Variants in PLXDC1 observed in about 807,000 individuals in gnomAD.
PLXDC1 encodes the protein plexin domain-containing protein 1.
A neutral mutation model predicts 61.3 loss-of-function variants in PLXDC1; 39 were observed. That is an observed-to-expected ratio of 0.64 (90% CI 0.49 to 0.83). PLXDC1 has a LOEUF of 0.83. Ranked by LOEUF, PLXDC1 falls within the 40% of genes least tolerant of loss-of-function variation. The pLI, the probability that PLXDC1 is intolerant of heterozygous loss-of-function variation, is 0.00. For synonymous variants in PLXDC1, 212 were observed against 254.5 expected (o/e 0.83, Z 1.59); for missense variants, 596 against 666.5 (o/e 0.89, Z 1.17).
intron 2 of PLXDC1, among the ~76,000 whole-genome samples, chr17:39,112,418 C>CA (rs1910837169): frequency 2.0e-5 from 3 of 151,524 alleles, no homozygotes; most frequent in South Asian, 2.1e-4. Flanking sequence ...GAAAGGAAAC[C>CA]AAGTTTAGAT....
Position 39,139,743 on chromosome 17 carries a change from A to C in PLXDC1, c.166T>G (p.Ser56Ala), listed in dbSNP as rs777635218. 5.6e-6 allele frequency: 9 copies of C among 1,613,826 alleles called. No individual in the cohort carries two copies. The South Asian group carries it at 9.9e-5, about 18-fold the overall frequency. Residue 56 changes from serine to alanine, a missense_variant, in exon 2 of 14, where the codon TCA becomes GCA. Transcript: ENST00000315392. ...CTCAGCTGGGTCCTGTCCGGCTCTG[A>C]CACATGCCCAGGGCTCTCTCGGGCT... ...RRARESPGHV[S>A]EPDRTQLSQD...
At position 39,098,671 on chromosome 17, in the gene PLXDC1, G is replaced by A. The variant is rs550004649; in HGVS notation, c.811+7183C>T. On this transcript the variant is annotated intron_variant, in intron 7 of 13. Coordinates refer to ENST00000315392, the MANE Select transcript of PLXDC1 (RefSeq NM_020405.5). ...GCCGGGGGGAAGAAGAGGAAGCCGT[G>A]AATTCCACTGCATGGCGGAGTGGTT... is the stretch of plus-strand genomic sequence containing the variant. Among the ~76,000 whole-genome samples, 43 of 152,328 alleles carry A rather than the reference G, an allele frequency of 2.8e-4. 1 individual carries two copies. The highest frequency in any genetic ancestry group is 9.9e-4 in the African/African-American group (41 of 41,580).
chr17:39,149,343 A>G (rs1263366469), intron 1 of PLXDC1, among the ~76,000 whole-genome samples: 1 of 152,068 alleles, frequency 6.6e-6, no homozygotes, highest in African/African-American at 2.4e-5. Flanking sequence ...GCCATCAATC[A>G]GGTCAGGCTG....
At chr17:39,071,400 CA>C (rs1206685092) in intron 12 of PLXDC1, among the ~76,000 whole-genome samples, 1 of 152,112 alleles carries the variant, frequency 6.6e-6, no homozygotes, top group African/African-American at 2.4e-5. Flanking sequence ...CTAGGGGTGG[CA>C]AGTTTTAATG....
chr17:39,086,877 A>AAAAAAAAAAAAAAAAAAAAAAAAAC (rs1909760509), intron 8 of PLXDC1, among the ~76,000 whole-genome samples: 1 of 151,208 alleles, frequency 6.6e-6, no homozygotes, highest in Non-Finnish European at 1.5e-5. Flanking sequence ...AAAAAAAAAA[A>AAAAAAAAAAAAAAAAAAAAAAAAAC]AAAGAAGAAG....
At position 39,063,657 on chromosome 17, in the gene PLXDC1, G is replaced by T; in HGVS notation, c.*4183C>A. On this transcript the variant is annotated 3_prime_UTR_variant, in exon 14 of 14. Coordinates refer to ENST00000315392, the MANE Select transcript of PLXDC1 (RefSeq NM_020405.5). Reference sequence around the variant, plus strand: ...TTTATTATTAACACTGAGAATCCATGCAGAGAGTTTACACTAAACACATGA... The same window carrying T: ...TTTATTATTAACACTGAGAATCCATTCAGAGAGTTTACACTAAACACATGA... 1 of 606,278 alleles carries T rather than the reference G, an allele frequency of 1.6e-6. No homozygotes were observed. The highest frequency in any genetic ancestry group is 2.9e-6 in the Non-Finnish European group (1 of 341,010). The allele number at this position is 606,278 out of a possible 1,614,324, so 37.6% of individuals were successfully genotyped here.
chr17:39,140,866 A>G (rs1216251374), intron 1 of PLXDC1, among the ~76,000 whole-genome samples: 1 of 152,230 alleles, frequency 6.6e-6, no homozygotes, highest in Admixed American at 6.5e-5. Flanking sequence ...CAAAATACAC[A>G]TAACAAAATT....
intron 7 of PLXDC1, among the ~76,000 whole-genome samples, chr17:39,098,491 C>T (rs1439810822): frequency 6.6e-6 from 1 of 152,186 alleles, no homozygotes; most frequent in Non-Finnish European, 1.5e-5. Context: ...AATGTTAGTG[C>T]CTGCCCACTG....
chr17:39,103,074 G>T (rs993496564), intron 7 of PLXDC1, among the ~76,000 whole-genome samples: 1 of 152,112 alleles, frequency 6.6e-6, no homozygotes, highest in African/African-American at 2.4e-5. Context: ...AATTAGCCAG[G>T]CGTGGTGGCA....
intron 7 of PLXDC1, among the ~76,000 whole-genome samples, chr17:39,095,380 A>G (rs1351366944): frequency 3.9e-4 from 1 of 2,544 alleles, no homozygotes; most frequent in Admixed American, 5.3e-3. Context: ...CCCCCCCCCC[A>G]ACCCCCCAAG....
intron 8 of PLXDC1, among the ~76,000 whole-genome samples, chr17:39,086,205 C>T (rs962757389): frequency 8.5e-5 from 13 of 152,168 alleles, no homozygotes; most frequent in African/African-American, 2.9e-4. Context: ...CACCAGTCCT[C>T]GAGGAACCCT....
chr17:39,127,851 G>A (rs1357675054), intron 2 of PLXDC1, among the ~76,000 whole-genome samples: 1 of 148,728 alleles, frequency 6.7e-6, no homozygotes, highest in Non-Finnish European at 1.5e-5. Flanking sequence ...CCAGCTACTC[G>A]GGAGGCTGAG....
At chr17:39,104,063 G>A (rs1044430900) in intron 7 of PLXDC1, among the ~76,000 whole-genome samples, 11 of 152,094 alleles carry the variant, frequency 7.2e-5, no homozygotes, top group African/African-American at 2.4e-4. Context: ...TGCACTGTTC[G>A]CTACAGAACA....
chr17:39,137,263 C>T (rs1251541255), intron 2 of PLXDC1, among the ~76,000 whole-genome samples: 1 of 152,148 alleles, frequency 6.6e-6, no homozygotes, highest in Admixed American at 6.6e-5. Context: ...TGAAAGAAAA[C>T]TATTTTCAAG....
Position 39,151,332 on chromosome 17 carries a change from C to A in PLXDC1, c.76+30G>T. Reference sequence around the variant, plus strand: ...ACTGCCCGTCCCTCCCCGCCCCCGGCCCACCCGGGCCGGCTCCCGCCAGTC... The same window carrying A: ...ACTGCCCGTCCCTCCCCGCCCCCGGACCACCCGGGCCGGCTCCCGCCAGTC... On this transcript the variant is annotated intron_variant, in intron 1 of 13. Transcript: ENST00000315392. This position sits in a 1 kb window ranked among gnomAD's most constrained non-coding sequence, Gnocchi z 5.2. 7.9e-7 allele frequency: 1 copy of A among 1,269,268 alleles called. No homozygotes were observed. The highest frequency in any genetic ancestry group is 2.7e-5 in the South Asian group (1 of 37,328). 78.6% of individuals were successfully genotyped at this position (1,269,268 alleles called of 1,614,324 possible). A position where few individuals can be genotyped will look rare whatever the true frequency, so the allele number is the denominator to read the frequency against.
rs921971639 is a variant in PLXDC1, at chr17:39,142,927, C to G, written c.77-3095G>C. On this transcript the variant is annotated intron_variant, in intron 1 of 13. Transcript: ENST00000315392. ...CTGAGGTGGGTGGATCACCTGAGGT[C>G]AGGAATTCGAGACCAGCCTGGCCAA... Among the ~76,000 whole-genome samples, 8 of 152,010 alleles carry G rather than the reference C, an allele frequency of 5.3e-5. 1 individual carries two copies. Among genetic ancestry groups the G allele is most frequent in the Admixed American group, 5.2e-4 (8 of 15,264 alleles).
chr17:39,148,188 G>A (rs568378354), intron 1 of PLXDC1, among the ~76,000 whole-genome samples: 1 of 152,166 alleles, frequency 6.6e-6, no homozygotes, highest in South Asian at 2.1e-4. Flanking sequence ...GAGCCCTAGA[G>A]ACAATCTGGT....
intron 1 of PLXDC1, among the ~76,000 whole-genome samples, chr17:39,145,111 A>C (rs1912054188): frequency 6.6e-6 from 1 of 152,194 alleles, no homozygotes; most frequent in Admixed American, 6.5e-5. Context: ...CAGAAAGTGC[A>C]GTAAAAAGTG....
At chr17:39,142,735 T>C (rs1196998605) in intron 1 of PLXDC1, among the ~76,000 whole-genome samples, 1 of 152,236 alleles carries the variant, frequency 6.6e-6, no homozygotes, top group African/African-American at 2.4e-5. Flanking sequence ...GGTTTCACCA[T>C]GTTGCCTACA....
Sources: gnomAD v4.1 joint callset for allele counts (sites outside exome capture counted in the v4.1 genomes callset) on GRCh38, gnomAD v4.1.1 for gene constraint, Gnocchi (gnomAD v3.1) non-coding constraint, MANE v1.5 for transcripts, NCBI Gene and HGNC (gene_info 2026-07-23, HGNC 2026-07-21) for gene names.